FGD2: variants seen among roughly 807,000 people sequenced by gnomAD.
FGD2 encodes FYVE, RhoGEF and PH domain containing 2.
In FGD2, 52 loss-of-function variants were observed where a neutral mutation model predicts 75.9. That is an observed-to-expected ratio of 0.69 (90% CI 0.55 to 0.86). The LOEUF (loss-of-function observed/expected upper bound fraction) is 0.86. FGD2 is among the 40% of genes least tolerant of loss of function. The pLI is 0.00. For missense variants in FGD2, 790 were observed against 872.0 expected (o/e 0.91, Z 1.18); for synonymous variants, 347 against 348.6 (o/e 1.00, Z 0.05).
At chr6:37,009,110 G>A (rs1436383234) in intron 2 of FGD2, 45 bp downstream of exon 2, 2 of 1,569,804 alleles carry the variant, frequency 1.3e-6, no homozygotes, top group South Asian at 2.3e-5. Context: ...GGGGTGGGGA[G>A]CTCTCCCTGA....
chr6:37,006,258 C>T (rs1213232390), intron 1 of FGD2, among the ~76,000 whole-genome samples: 2 of 152,212 alleles, frequency 1.3e-5, no homozygotes, highest in African/African-American at 4.8e-5. Flanking sequence ...TATCATTCAG[C>T]ACACAATTGA....
intron 14 of FGD2, among the ~76,000 whole-genome samples, chr6:37,026,845 CA>C (rs796239980): frequency 2.3e-3 from 316 of 137,568 alleles, no homozygotes; most frequent in Middle Eastern, 7.2e-3. Context: ...ACTAAAAATA[CA>C]AAAAAAAAAA....
intron 3 of FGD2, chr6:37,011,254 G>A: frequency 1.6e-6 from 1 of 609,732 alleles, no homozygotes; most frequent in Non-Finnish European, 2.9e-6. Flanking sequence ...TCTGCCTGTG[G>A]TGCCCAGGCT....
intron 1 of FGD2, among the ~76,000 whole-genome samples, chr6:37,008,323 A>C (rs768140380): frequency 6.6e-6 from 1 of 152,150 alleles, no homozygotes; most frequent in African/African-American, 2.4e-5. Flanking sequence ...TCCCTGGGAG[A>C]ACAGAGCATC....
Position 37,028,196 on chromosome 6 carries a change from C to G in FGD2, c.*33C>G. On this transcript the variant is annotated 3_prime_UTR_variant, in exon 16 of 16. Transcript: ENST00000274963. ...CCAGCCGCTCTCCTGCCCACCTCTC[C>G]CCACCCTGAACCCAGCTCCTGCCAC... 2 of 1,498,530 alleles carry G rather than the reference C, an allele frequency of 1.3e-6. No individual in the cohort carries two copies. The highest frequency in any genetic ancestry group is 1.8e-6 in the Non-Finnish European group (2 of 1,119,650). The allele number at this position is 1,498,530 out of a possible 1,614,324, so 92.8% of individuals were successfully genotyped here.
chr6:37,006,324 A>T (rs1392687105), intron 1 of FGD2, among the ~76,000 whole-genome samples: 5 of 152,242 alleles, frequency 3.3e-5, no homozygotes, highest in Non-Finnish European at 7.3e-5. Flanking sequence ...CATTACAGGT[A>T]AAGCTGGGAC....
In FGD2 at chr6:37,028,067, G is replaced by A. The variant is rs766470711; in HGVS notation, c.1872G>A (p.Glu624=). 3 of 1,613,880 alleles carry A rather than the reference G, an allele frequency of 1.9e-6. No individual in the cohort carries two copies. The highest frequency in any genetic ancestry group is 2.5e-6 in the Non-Finnish European group (3 of 1,180,034). Residue 624 remains glutamate, a synonymous_variant, in exon 16 of 16, where the codon GAG becomes GAA. Transcript: ENST00000274963. ...QSGQLYTFKA[E]TEELKGRWVK... ...GCCAGCTCTACACCTTCAAGGCCGA[G>A]ACGGAGGAGCTGAAGGGCCGCTGGG...
Position 37,013,699 on chromosome 6 carries a change from G to T in FGD2, c.618G>T (p.Ala206=). 1 of 1,614,072 alleles carries T rather than the reference G, an allele frequency of 6.2e-7. No homozygotes were observed. Among genetic ancestry groups the T allele is most frequent in the Non-Finnish European group, 8.5e-7 (1 of 1,179,972 alleles). ...AGTATGTCAAGAACTTTGAGCGAGCGGCTGAGCTGCTGGCCACCTGGACCG... is the reference window on the plus strand; with the variant it reads ...AGTATGTCAAGAACTTTGAGCGAGCTGCTGAGCTGCTGGCCACCTGGACCG... ...YSEYVKNFER[A]AELLATWTDK... is the part of the protein sequence containing the mutation. The change falls in exon 5 of 16, where the codon GCG becomes GCT. Residue 206 remains alanine, a synonymous_variant. Transcript: ENST00000274963.
chr6:37,009,119 G>T, intron 2 of FGD2, 54 bp downstream of exon 2: 1 of 1,531,604 alleles, frequency 6.5e-7, no homozygotes, highest in South Asian at 1.2e-5. Context: ...AGCTCTCCCT[G>T]ACCTCCCCTC....
chr6:37,022,646 T>TTTTA, intron 13 of FGD2: 1 of 353,028 alleles, frequency 2.8e-6, no homozygotes. Context: ...CCTTGGCCTC[T>TTTTA]ACCTGTCCCA....
intron 1 of FGD2, among the ~76,000 whole-genome samples, chr6:37,008,154 T>C (rs1764836812): frequency 6.6e-6 from 1 of 152,190 alleles, no homozygotes; most frequent in Admixed American, 6.5e-5. Flanking sequence ...TGGCCTGTCT[T>C]TCTCATAAGG....
Position 37,011,818 on chromosome 6 carries a change from T to A in FGD2, c.491T>A (p.Phe164Tyr). Residue 164 changes from phenylalanine (F) to tyrosine (Y), a missense_variant, in exon 4 of 16, where the codon TTC (phenylalanine) becomes TAC (tyrosine). Phe to Tyr is a conservative substitution (Grantham distance 22, BLOSUM62 3). Transcript: ENST00000274963. ...TCCATCTATCAGTTCCATTCTCAGT[T>A]CTTCCTCCCAGAGCTGCAGCGGCGC... ...ISSIYQFHSQ[F>Y]FLPELQRRLD... 1 of 1,614,112 alleles carries A rather than the reference T, an allele frequency of 6.2e-7. No individual in the cohort carries two copies. The highest frequency in any genetic ancestry group is 8.5e-7 in the Non-Finnish European group (1 of 1,179,998).
chr6:37,017,044 G>T (rs1343569346), intron 9 of FGD2, among the ~76,000 whole-genome samples: 2 of 151,792 alleles, frequency 1.3e-5, no homozygotes, highest in African/African-American at 4.8e-5. Context: ...CATATAATAG[G>T]ATTGTTTCCT....
chr6:37,006,501 A>T (rs1764759510), intron 1 of FGD2, among the ~76,000 whole-genome samples: 1 of 152,114 alleles, frequency 6.6e-6, no homozygotes, highest in African/African-American at 2.4e-5. Context: ...AGAGGTGAGG[A>T]TGCCAAGTGC....
chr6:37,012,849 T>A, intron 4 of FGD2, among the ~76,000 whole-genome samples: 1 of 151,156 alleles, frequency 6.6e-6, no homozygotes. Flanking sequence ...ACAGCTAGCA[T>A]GATTTGTGCA....
chr6:37,020,151 C>A (rs1227792174), intron 9 of FGD2, among the ~76,000 whole-genome samples: 10 of 152,202 alleles, frequency 6.6e-5, no homozygotes, highest in Non-Finnish European at 1.5e-4. Context: ...TGCACCCAGC[C>A]AAGGTTATTT....
At position 37,028,018 on chromosome 6, in the gene FGD2, G is replaced by T; in HGVS notation, c.1823G>T (p.Arg608Leu). Residue 608 changes from arginine (R) to leucine (L), a missense_variant, in exon 16 of 16, where the codon CGG becomes CTG. By Grantham distance (102) the Arg-to-Leu change is moderately radical. Transcript: ENST00000274963. The part of the protein sequence containing the change: ...QVTVGPQGDP[R>L]VFQLQQSGQL... The stretch of plus-strand genomic sequence containing the variant: ...ACTGTTGGGCCCCAGGGGGACCCTC[G>T]GGTCTTCCAGCTACAGCAGTCAGGC... The T allele has an allele frequency of 6.2e-7, 1 of 1,614,090 alleles. No homozygotes were observed. The highest frequency in any genetic ancestry group is 8.5e-7 in the Non-Finnish European group (1 of 1,180,028).
chr6:37,027,365 C>T, intron 14 of FGD2, 64 bp from the exon 15 acceptor site: 1 of 1,548,374 alleles, frequency 6.5e-7, no homozygotes, highest in South Asian at 1.2e-5. Context: ...TTGTCAAGCC[C>T]CCAGACCAAC....
intron 1 of FGD2, among the ~76,000 whole-genome samples, chr6:37,008,122 A>G (rs1457597760): frequency 6.6e-6 from 1 of 152,076 alleles, no homozygotes; most frequent in Non-Finnish European, 1.5e-5. Context: ...GAGATTTCGT[A>G]TTTGTTTGGC....
Sources: gnomAD v4.1 joint callset for allele counts (sites outside exome capture counted in the v4.1 genomes callset) on GRCh38, gnomAD v4.1.1 for gene constraint, MANE v1.5 for transcripts, NCBI Gene and HGNC (gene_info 2026-07-23, HGNC 2026-07-21) for gene names.